TBC1D8: variants seen among roughly 807,000 people sequenced by gnomAD.
The protein encoded by TBC1D8 is TBC1 domain family member 8, also known as BUB2-like protein 1.
TBC1D8 carries 65 observed loss-of-function variants against 118.8 expected under a neutral mutation model. That is an observed-to-expected ratio of 0.55 (90% CI 0.45 to 0.67). TBC1D8 has a LOEUF of 0.67. TBC1D8 is among the 30% of genes least tolerant of loss of function. The pLI is 0.00. For synonymous variants in TBC1D8, 566 were observed against 595.8 expected (o/e 0.95, Z 0.73); for missense variants, 1,376 against 1,471.2 (o/e 0.94, Z 1.06).
chr2:101,095,062 C>T (rs1197951581), intron 1 of TBC1D8, among the ~76,000 whole-genome samples: 7 of 152,114 alleles, frequency 4.6e-5, no homozygotes, highest in Non-Finnish European at 7.4e-5. Context: ...CTCTTGAAAG[C>T]CACAGTCTCT....
chr2:101,037,642 A>G lies in TBC1D8; in HGVS notation c.1342T>C (p.Ser448Pro). The G allele has an allele frequency of 4.3e-6, 7 of 1,613,984 alleles. No homozygotes were observed. The highest frequency in any genetic ancestry group is 5.9e-6 in the Non-Finnish European group (7 of 1,179,904). The change falls in exon 8 of 20, where the codon TCT becomes CCT. Residue 448 changes from serine to proline, a missense_variant. Transcript: ENST00000409318. The stretch of plus-strand genomic sequence containing the variant: ...TCACTCTCCTCGCTATTTTGAGAAG[A>G]CATCATTTCAAGATCCCCAAATCTG... ...DHRFGDLEMM[S>P]SQNSEESEKE...
chr2:101,080,426 T>C (rs1675186123), intron 2 of TBC1D8, among the ~76,000 whole-genome samples: 1 of 152,178 alleles, frequency 6.6e-6, no homozygotes, highest in Non-Finnish European at 1.5e-5. Context: ...GATGCTAATC[T>C]GATCCACCCT....
Position 101,014,083 on chromosome 2 carries a change from T to A in TBC1D8, c.2828-2543A>T, listed in dbSNP as rs559225713. Among the ~76,000 whole-genome samples the A allele has an allele frequency of 6.6e-5, 10 of 152,314 alleles. No individual in the cohort carries two copies. The East Asian group carries it at 1.9e-3, about 29-fold the overall frequency. ...ATGCAACAGCTACTGGAGGCAGGGATCATACATCCAATTTCTTAGTGGTGG... is the reference window on the plus strand; with the variant it reads ...ATGCAACAGCTACTGGAGGCAGGGAACATACATCCAATTTCTTAGTGGTGG... On this transcript the variant is annotated intron_variant, in intron 17 of 19. Coordinates refer to ENST00000409318, the MANE Select transcript of TBC1D8 (RefSeq NM_001330348.2).
At chr2:101,136,361 C>T (rs1678854651) in intron 1 of TBC1D8, among the ~76,000 whole-genome samples, 1 of 152,184 alleles carries the variant, frequency 6.6e-6, no homozygotes, top group African/African-American at 2.4e-5. Flanking sequence ...CAGGGGCTCC[C>T]CTTCACCTTC....
chr2:101,121,758 A>T (rs1678120118), intron 1 of TBC1D8, among the ~76,000 whole-genome samples: 1 of 152,226 alleles, frequency 6.6e-6, no homozygotes, highest in Admixed American at 6.5e-5. Context: ...ACTGATATAC[A>T]GAGTTCAATT....
chr2:101,011,012 A>C lies in TBC1D8; in HGVS notation c.2932T>G (p.Tyr978Asp). 6.2e-7 allele frequency: 1 copy of C among 1,612,590 alleles called. No individual in the cohort carries two copies. Among genetic ancestry groups the C allele is most frequent in the Non-Finnish European group, 8.5e-7 (1 of 1,179,814 alleles). Residue 978 changes from tyrosine (Y) to aspartate (D), a missense_variant, in exon 19 of 20, where the codon TAT (tyrosine) becomes GAT (aspartate). Physicochemically the swap from Tyr to Asp is radical, Grantham distance 160 (BLOSUM62 -3). Coordinates refer to ENST00000409318, the MANE Select transcript of TBC1D8 (RefSeq NM_001330348.2). The part of the protein sequence containing the change: ...FGKPNGDAVD[Y>D]QKQLKQMIKD... Reference sequence around the variant, plus strand: ...ATCATCTGCTTCAGCTGTTTCTGATAATCAACTGCATCACCTTGAAACAAA... The same window carrying C: ...ATCATCTGCTTCAGCTGTTTCTGATCATCAACTGCATCACCTTGAAACAAA...
chr2:101,143,918 C>G (rs1352941982), intron 1 of TBC1D8, among the ~76,000 whole-genome samples: 2 of 152,218 alleles, frequency 1.3e-5, no homozygotes, highest in Non-Finnish European at 2.9e-5. Flanking sequence ...CTAGTCCTTA[C>G]AGCACACAGT....
At chr2:101,112,039 T>C (rs1484442479) in intron 1 of TBC1D8, among the ~76,000 whole-genome samples, 1 of 152,162 alleles carries the variant, frequency 6.6e-6, no homozygotes, top group East Asian at 1.9e-4. Context: ...TAAATCCATC[T>C]GAACACAGAT....
chr2:101,031,932 CT>C (rs1442586761), intron 11 of TBC1D8, among the ~76,000 whole-genome samples: 2 of 152,246 alleles, frequency 1.3e-5, no homozygotes, highest in Admixed American at 6.5e-5. Context: ...TAAAACCACC[CT>C]GGTTTTCACT....
At chr2:101,066,811 G>A (rs1683039295) in intron 2 of TBC1D8, among the ~76,000 whole-genome samples, 1 of 152,094 alleles carries the variant, frequency 6.6e-6, no homozygotes, top group Non-Finnish European at 1.5e-5. Context: ...CAGATGTGGT[G>A]GCATGCACCT....
Position 101,010,929 on chromosome 2 carries a change from C to T in TBC1D8, c.3015G>A (p.Gln1005=). The T allele has an allele frequency of 6.2e-7, 1 of 1,610,226 alleles. No homozygotes were observed. ...TCTCTGCACTGAAGAAAGTCCATAC[C>T]TGGCTCATTTTGGGCAATTCTTTCT... is the stretch of plus-strand genomic sequence containing the variant. ...KTEKELPKMS[Q]REFIQFCKTL... is the part of the protein sequence containing the mutation. The change falls in exon 19 of 20, where the codon CAG becomes CAA. Residue 1005 remains glutamine, a splice_region_variant and synonymous_variant. Coordinates refer to ENST00000409318, the MANE Select transcript of TBC1D8 (RefSeq NM_001330348.2).
intron 2 of TBC1D8, among the ~76,000 whole-genome samples, chr2:101,088,227 G>A (rs536120323): frequency 6.6e-6 from 1 of 152,192 alleles, no homozygotes; most frequent in African/African-American, 2.4e-5. Context: ...GCTGGGATTT[G>A]GGGAGATAGA....
intron 1 of TBC1D8, among the ~76,000 whole-genome samples, chr2:101,096,443 A>AAAAAAAAAAAAC (rs1553418002): frequency 7.6e-6 from 1 of 131,456 alleles, no homozygotes; most frequent in Non-Finnish European, 1.7e-5. Flanking sequence ...AAAAAAAAAA[A>AAAAAAAAAAAAC]AAAACTATAA....
At chr2:101,137,426 C>A (rs910340365) in intron 1 of TBC1D8, among the ~76,000 whole-genome samples, 3 of 152,142 alleles carry the variant, frequency 2.0e-5, no homozygotes, top group Non-Finnish European at 2.9e-5. Context: ...CATTCTCCTG[C>A]CTCAGCCTCT....
In TBC1D8 at chr2:101,145,539, C is replaced by T. The variant is rs537422876; in HGVS notation, c.127+5588G>A. On this transcript the variant is annotated intron_variant, in intron 1 of 19. Coordinates refer to ENST00000409318, the MANE Select transcript of TBC1D8 (RefSeq NM_001330348.2). ...GAGCAGGACTCCAGCCAACCTCAGACAGACTAGCCAAGAAATGCAACATCC... is the reference window on the plus strand; with the variant it reads ...GAGCAGGACTCCAGCCAACCTCAGATAGACTAGCCAAGAAATGCAACATCC... Among the ~76,000 whole-genome samples, 7 of 152,308 alleles carry T rather than the reference C, an allele frequency of 4.6e-5. No individual in the cohort carries two copies. The East Asian group carries it at 1.3e-3, about 29-fold the overall frequency.
chr2:101,073,755 A>G (rs964801513), intron 2 of TBC1D8, among the ~76,000 whole-genome samples: 8 of 152,316 alleles, frequency 5.3e-5, no homozygotes, highest in African/African-American at 1.9e-4. Flanking sequence ...CCTAAACCTG[A>G]TTAACCAACA....
chr2:101,022,632 T>C, intron 15 of TBC1D8, 111 bp from the exon 16 acceptor site: 1 of 1,416,110 alleles, frequency 7.1e-7, no homozygotes, highest in Non-Finnish European at 9.2e-7. Context: ...TCTAACTGGA[T>C]ACGTAAAAGT....
In TBC1D8 at chr2:101,101,123, G is replaced by A. The variant is rs895979283; in HGVS notation, c.128-10759C>T. 2.0e-5 allele frequency among the ~76,000 whole-genome samples: 3 copies of A among 152,126 alleles called. No individual in the cohort carries two copies. The East Asian group carries it at 5.8e-4, about 29-fold the overall frequency. ...AGTGAAGAGGCAACCTACAGAATGG[G>A]AGAAAATTTTTGCAATCTACTCATC... On this transcript the variant is annotated intron_variant, in intron 1 of 19. Transcript: ENST00000409318.
Position 101,038,673 on chromosome 2 carries a change from T to C in TBC1D8, c.1081-18A>G, listed in dbSNP as rs369042671. On this transcript the variant is annotated intron_variant, in intron 6 of 19. Coordinates refer to ENST00000409318, the MANE Select transcript of TBC1D8 (RefSeq NM_001330348.2). ...CTCACCACCTGCGCGAGAGGCAACA[T>C]GCAGGGACAGAAGGGCGGGAGGAAG... The C allele has an allele frequency of 1.7e-5, 27 of 1,612,456 alleles. No individual in the cohort carries two copies. In the African/African-American group the frequency reaches 2.5e-4, roughly 15 times the overall value.
Sources: gnomAD v4.1 joint callset for allele counts (sites outside exome capture counted in the v4.1 genomes callset) on GRCh38, gnomAD v4.1.1 for gene constraint, MANE v1.5 for transcripts, NCBI Gene and HGNC (gene_info 2026-07-23, HGNC 2026-07-21) for gene names.